Variants in CCSER1 observed in about 807,000 individuals in gnomAD.
CCSER1 encodes the protein coiled-coil serine rich protein 1, also known as serine-rich coiled-coil domain-containing protein 1.
CCSER1 carries 41 observed loss-of-function variants against 82.0 expected under a neutral mutation model. The ratio of observed to expected loss-of-function variants is 0.50; its 90% confidence interval spans 0.39 to 0.65. CCSER1 has a LOEUF of 0.65. CCSER1 is among the 30% of genes least tolerant of loss of function. The probability of loss-of-function intolerance (pLI) is 0.00; values close to 1 mark genes in which losing one functional copy is unlikely to be tolerated. For synonymous variants in CCSER1, 414 were observed against 383.9 expected (o/e 1.08, Z -0.92); for missense variants, 1,119 against 1,064.2 (o/e 1.05, Z -0.72).
chr4:91,048,732 T>G (rs190577914), intron 9 of CCSER1, among the ~76,000 whole-genome samples: 250 of 152,268 alleles, frequency 1.6e-3, no homozygotes, highest in African/African-American at 5.8e-3. Context: ...GTTTCTACAA[T>G]TAACTGGCAG....
At chr4:90,264,743 A>G (rs892711003) in intron 1 of CCSER1, among the ~76,000 whole-genome samples, 1 of 152,006 alleles carries the variant, frequency 6.6e-6, no homozygotes, top group Non-Finnish European at 1.5e-5. Context: ...GACAATTAAC[A>G]TTTATAACAT....
intron 1 of CCSER1, among the ~76,000 whole-genome samples, chr4:90,188,083 G>A (rs189803653): frequency 2.6e-5 from 4 of 151,822 alleles, no homozygotes; most frequent in African/African-American, 9.6e-5. Flanking sequence ...GTATTTCTTG[G>A]CAAAAGAAAC....
intron 5 of CCSER1, among the ~76,000 whole-genome samples, chr4:90,599,122 A>G (rs867934724): frequency 1.3e-5 from 2 of 152,194 alleles, no homozygotes; most frequent in Middle Eastern, 3.4e-3. Flanking sequence ...CAGGAACTGT[A>G]AAGACTGCAG....
intron 10 of CCSER1, among the ~76,000 whole-genome samples, chr4:91,151,085 A>C (rs1004741361): frequency 6.6e-6 from 1 of 152,080 alleles, no homozygotes; most frequent in Non-Finnish European, 1.5e-5. Flanking sequence ...TTTTGCTGTG[A>C]ATCTATCTGG....
intron 1 of CCSER1, among the ~76,000 whole-genome samples, chr4:90,273,777 C>T (rs757229397): frequency 1.1e-4 from 16 of 152,050 alleles, no homozygotes; most frequent in Non-Finnish European, 2.1e-4. Flanking sequence ...TCTTCTGCAC[C>T]ACACCAGAAC....
chr4:90,694,682 T>C lies in CCSER1; in HGVS notation c.1933-29232T>C, dbSNP rs1212592083. Reference sequence around the variant, plus strand: ...GCTAGGTATAACTCACAAAATCTTTTTTCAGTCTTATAAAGAATGAGAACA... The same window carrying C: ...GCTAGGTATAACTCACAAAATCTTTCTTCAGTCTTATAAAGAATGAGAACA... On this transcript the variant is annotated intron_variant, in intron 6 of 10. Coordinates refer to ENST00000509176, the MANE Select transcript of CCSER1 (RefSeq NM_001145065.2). Among the ~76,000 whole-genome samples, 4 of 152,022 alleles carry C rather than the reference T, an allele frequency of 2.6e-5. No homozygotes were observed. The East Asian group carries it at 7.7e-4, about 29-fold the overall frequency.
chr4:90,607,762 G>C (rs1376258455), intron 5 of CCSER1, among the ~76,000 whole-genome samples: 7 of 152,030 alleles, frequency 4.6e-5, no homozygotes, highest in Non-Finnish European at 1.0e-4. Context: ...ATAAATTTTG[G>C]GGAGACACAA....
chr4:91,255,335 G>A (rs943323454), intron 10 of CCSER1, among the ~76,000 whole-genome samples: 2 of 152,070 alleles, frequency 1.3e-5, no homozygotes, highest in African/African-American at 4.8e-5. Flanking sequence ...TTACAATAAT[G>A]TCTCACATGT....
At chr4:90,712,540 C>T (rs186027310) in intron 6 of CCSER1, among the ~76,000 whole-genome samples, 31 of 151,966 alleles carry the variant, frequency 2.0e-4, no homozygotes, top group Admixed American at 5.9e-4. Context: ...TTTGCTGAGG[C>T]GTGTTTTACT....
At chr4:91,093,297 C>G (rs541512670) in intron 10 of CCSER1, among the ~76,000 whole-genome samples, 1 of 152,228 alleles carries the variant, frequency 6.6e-6, no homozygotes, top group Non-Finnish European at 1.5e-5. Flanking sequence ...TCTCGAAGAT[C>G]GAGTCTGCTA....
At chr4:90,669,213 T>C (rs984608242) in intron 6 of CCSER1, among the ~76,000 whole-genome samples, 10 of 152,098 alleles carry the variant, frequency 6.6e-5, no homozygotes, top group Non-Finnish European at 1.0e-4. Flanking sequence ...CATCTCCTTC[T>C]TTCTCTTCTG....
chr4:90,514,510 C>A (rs1397826818), intron 5 of CCSER1, among the ~76,000 whole-genome samples: 1 of 152,160 alleles, frequency 6.6e-6, no homozygotes, highest in African/African-American at 2.4e-5. Context: ...AATCTCAGCA[C>A]TTTGGGAGGC....
chr4:91,564,848 G>C (rs1762808972), intron 10 of CCSER1, among the ~76,000 whole-genome samples: 1 of 151,818 alleles, frequency 6.6e-6, no homozygotes, highest in South Asian at 2.1e-4. Context: ...GCTGCTGATA[G>C]TTTTGTTTGC....
At chr4:91,315,491 A>T (rs1436070790) in intron 10 of CCSER1, among the ~76,000 whole-genome samples, 2 of 151,980 alleles carry the variant, frequency 1.3e-5, no homozygotes, top group Non-Finnish European at 2.9e-5. Flanking sequence ...ATGAAAAATC[A>T]CTGATATCAT....
intron 10 of CCSER1, among the ~76,000 whole-genome samples, chr4:91,225,174 G>GTATA (rs66871278): frequency 7.1e-6 from 1 of 140,172 alleles, no homozygotes; most frequent in Admixed American, 7.4e-5. Context: ...ATGTGTGTGT[G>GTATA]TATATATGTA....
intron 1 of CCSER1, among the ~76,000 whole-genome samples, chr4:90,201,788 A>C (rs1737760973): frequency 6.6e-6 from 1 of 152,098 alleles, no homozygotes; most frequent in African/African-American, 2.4e-5. Flanking sequence ...CTGGGTCATG[A>C]AAGTTGTGTA....
intron 4 of CCSER1, among the ~76,000 whole-genome samples, chr4:90,409,812 T>C (rs1754391266): frequency 6.6e-6 from 1 of 152,160 alleles, no homozygotes. Flanking sequence ...GGCTAAATGC[T>C]GCAATTAAAA....
intron 10 of CCSER1, among the ~76,000 whole-genome samples, chr4:91,417,533 T>G (rs1753439694): frequency 6.6e-6 from 1 of 152,110 alleles, no homozygotes; most frequent in South Asian, 2.1e-4. Flanking sequence ...GAGATCCTGT[T>G]CTTTGCAGGG....
intron 10 of CCSER1, among the ~76,000 whole-genome samples, chr4:91,265,861 T>C (rs146116060): frequency 6.6e-6 from 1 of 152,268 alleles, no homozygotes; most frequent in African/African-American, 2.4e-5. Flanking sequence ...GATAAAGACA[T>C]ACCCAAGACT....
Sources: allele counts gnomAD v4.1 joint callset (sites outside exome capture counted in the v4.1 genomes callset), GRCh38; gene constraint gnomAD v4.1.1; transcripts MANE v1.5; gene names NCBI Gene and HGNC (gene_info 2026-07-23, HGNC 2026-07-21).